SEMA4C: variants seen among roughly 807,000 people sequenced by gnomAD.
The protein encoded by SEMA4C is semaphorin-4C.
Under a neutral mutation model 89.0 loss-of-function variants are expected in SEMA4C, and 19 were observed. That is an observed-to-expected ratio of 0.21 (90% CI 0.15 to 0.31). SEMA4C has a LOEUF of 0.31. Ranked by LOEUF, SEMA4C falls within the 10% of genes least tolerant of loss-of-function variation. The pLI is 1.00. For synonymous variants in SEMA4C, 428 were observed against 472.7 expected, an observed-to-expected ratio of 0.91 and a Z score of 1.23; for missense variants, 811 against 1,107.0, an observed-to-expected ratio of 0.73 and a Z score of 3.79.
rs770830582 is a variant in SEMA4C, at chr2:96,867,831, A to G, written c.56T>C (p.Ile19Thr). Residue 19 changes from isoleucine (I) to threonine (T), a missense_variant, in exon 2 of 15, where the codon ATT (isoleucine) becomes ACT (threonine). This residue lies in a region of SEMA4C where 119 missense variants were observed against 152.7 expected (regional missense o/e 0.78). Coordinates refer to ENST00000305476, the MANE Select transcript of SEMA4C (RefSeq NM_017789.5). ...AAGGTTCCACCACACCTCAGCCCCAATGCCCAGGCCCCACAGCCTTGCTGC... is the reference window on the plus strand; with the variant it reads ...AAGGTTCCACCACACCTCAGCCCCAGTGCCCAGGCCCCACAGCCTTGCTGC... ...LLAARLWGLG[I>T]GAEVWWNLVP... 10 of 1,613,648 alleles carry G rather than the reference A, an allele frequency of 6.2e-6. No homozygotes were observed. Among genetic ancestry groups the G allele is most frequent in the Admixed American group, 1.7e-5 (1 of 59,980 alleles).
Position 96,864,755 on chromosome 2 carries a change from C to T in SEMA4C, c.912G>A (p.Gln304=), listed in dbSNP as rs779053245. ...FNQLQAMHTL[Q]DTSWHNTTFF... is the part of the protein sequence containing the mutation. Reference sequence around the variant, plus strand: ...AGGTGGTGTTGTGCCAGGAGGTGTCCTGCAGGGTGTGCATCGCCTGCAGCT... The same window carrying T: ...AGGTGGTGTTGTGCCAGGAGGTGTCTTGCAGGGTGTGCATCGCCTGCAGCT... Residue 304 remains glutamine (Q), a synonymous_variant, in exon 9 of 15, where the codon CAG becomes CAA. Coordinates refer to ENST00000305476, the MANE Select transcript of SEMA4C (RefSeq NM_017789.5). This position sits in a 1 kb window ranked among gnomAD's most constrained non-coding sequence, Gnocchi z 6.3. 6.2e-7 allele frequency: 1 copy of T among 1,613,828 alleles called. No individual in the cohort carries two copies. Among genetic ancestry groups the T allele is most frequent in the South Asian group, 1.1e-5 (1 of 91,078 alleles).
In SEMA4C at chr2:96,864,959, G is replaced by C; in HGVS notation, c.786+5C>G. 1.3e-6 allele frequency: 2 copies of C among 1,591,738 alleles called. No individual in the cohort carries two copies. The highest frequency in any genetic ancestry group is 1.7e-6 in the Non-Finnish European group (2 of 1,169,750). The stretch of plus-strand genomic sequence containing the variant: ...CCCAGGGCCCACCGCTGTGAGACTC[G>C]GTACCTTGCAGACACGGGCCACACG... On this transcript the variant is annotated splice_donor_5th_base_variant and intron_variant, in intron 8 of 14. Coordinates refer to ENST00000305476, the MANE Select transcript of SEMA4C (RefSeq NM_017789.5). The surrounding 1 kb of genome is among the most constrained non-coding windows in gnomAD (Gnocchi z 6.3).
rs747514842 is a variant in SEMA4C, at chr2:96,863,917, T to C, written c.1330+9A>G. ...TTGAGCAGCCATGCCTGCATACCCA[T>C]GCACCCACCTGTGCCAATGAACAGC... On this transcript the variant is annotated intron_variant, in intron 11 of 14. Coordinates refer to ENST00000305476, the MANE Select transcript of SEMA4C (RefSeq NM_017789.5). The C allele has an allele frequency of 5.0e-6, 8 of 1,602,986 alleles. No homozygotes were observed. The highest frequency in any genetic ancestry group is 6.8e-6 in the Non-Finnish European group (8 of 1,172,698).
chr2:96,863,348 A>C (rs2079995407), intron 12 of SEMA4C: 22 of 1,086,510 alleles, frequency 2.0e-5, no homozygotes, highest in Non-Finnish European at 2.5e-5. Flanking sequence ...GTCTGGTCAC[A>C]GGGGCATGGT....
At chr2:96,863,624 G>A (rs2080001961) in intron 12 of SEMA4C, 58 bp downstream of exon 12, 11 of 1,510,894 alleles carry the variant, frequency 7.3e-6, no homozygotes, top group African/African-American at 6.9e-5. Flanking sequence ...GCAGCCAGAT[G>A]GAGAGAGTGA....
In SEMA4C at chr2:96,865,489, C is replaced by T. The variant is rs1396586501; in HGVS notation, c.469G>A (p.Gly157Ser). Residue 157 changes from glycine to serine, a missense_variant, in exon 6 of 15, where the codon GGC becomes AGC. Around this residue, in one of 4 missense-constraint regions of SEMA4C, gnomAD observed 441 missense variants for 664.9 expected, o/e 0.66. Coordinates refer to ENST00000305476, the MANE Select transcript of SEMA4C (RefSeq NM_017789.5). ...TTAGCTGGGTCATAGGGACACTTGC[C>T]CTTCCCATCTTCAAACTCTCCATGC... The part of the protein sequence containing the change: ...LEHGEFEDGK[G>S]KCPYDPAKGH... 2 of 1,614,094 alleles carry T rather than the reference C, an allele frequency of 1.2e-6. No individual in the cohort carries two copies. The highest frequency in any genetic ancestry group is 1.7e-6 in the Non-Finnish European group (2 of 1,180,032).
chr2:96,867,635 G>A (rs1210606987), intron 2 of SEMA4C, 143 bp downstream of exon 2: 3 of 872,078 alleles, frequency 3.4e-6, no homozygotes, highest in Non-Finnish European at 5.6e-6. Flanking sequence ...GCTAATCCCA[G>A]GTCCCAACCC....
rs2080169777 is a variant in SEMA4C at position 96,869,960 on chromosome 2, G to GC, written c.-123dup. 1 of 986,608 alleles carries GC rather than the reference G, an allele frequency of 1.0e-6. No individual in the cohort carries two copies. 61.1% of individuals were successfully genotyped at this position (986,608 alleles called of 1,614,324 possible). On this transcript the variant is annotated 5_prime_UTR_variant, in exon 1 of 15. Transcript: ENST00000305476. Reference sequence around the variant, plus strand: ...CACCCCTGCCCCCGCGTCGCCGCCTGCCCGCGCTCGCCCGCCAGCCCTCCG... The same window carrying GC: ...CACCCCTGCCCCCGCGTCGCCGCCTGCCCCGCGCTCGCCCGCCAGCCCTCCG...
At position 96,865,012 on chromosome 2, in the gene SEMA4C, G is replaced by A. The variant is rs548336633; in HGVS notation, c.738C>T (p.Ser246=). ...YFFFRERAVE[S]DCYAEQVVAR... Reference sequence around the variant, plus strand: ...CCACCACCTGCTCGGCATAGCAGTCGGACTCCACTGCCCGCTCCCTGAAGA... The same window carrying A: ...CCACCACCTGCTCGGCATAGCAGTCAGACTCCACTGCCCGCTCCCTGAAGA... Residue 246 remains serine, a synonymous_variant, in exon 8 of 15, where the codon TCC becomes TCT. Coordinates refer to ENST00000305476, the MANE Select transcript of SEMA4C (RefSeq NM_017789.5). The A allele has an allele frequency of 9.6e-6, 15 of 1,560,212 alleles. No individual in the cohort carries two copies. The South Asian group carries it at 1.3e-4, about 13-fold the overall frequency.
At chr2:96,868,289 C>A in intron 1 of SEMA4C, 1 of 482,240 alleles carries the variant, frequency 2.1e-6, no homozygotes, top group Non-Finnish European at 3.0e-6. Context: ...GAAAGAACCT[C>A]AGGCAGCAGG....
chr2:96,865,160 G>A (rs1470882853), intron 7 of SEMA4C, 44 bp downstream of exon 7: 1 of 1,605,332 alleles, frequency 6.2e-7, no homozygotes, highest in South Asian at 1.1e-5. Flanking sequence ...TGGGCCCCGG[G>A]GGACCTCCCA....
chr2:96,869,079 C>T (rs959242330), intron 1 of SEMA4C: 6 of 985,410 alleles, frequency 6.1e-6, no homozygotes, highest in Middle Eastern at 5.2e-4. Context: ...CGTGGCGAGC[C>T]CGGCCTGCGG....
intron 1 of SEMA4C, chr2:96,868,659 G>C (rs1389848250): frequency 6.1e-6 from 6 of 985,172 alleles, no homozygotes; most frequent in African/African-American, 1.7e-5. Flanking sequence ...TGCCTCCTCC[G>C]AAACACCAGC....
intron 12 of SEMA4C, chr2:96,863,134 T>C (rs1254115549): frequency 1.9e-6 from 1 of 530,022 alleles, no homozygotes; most frequent in Non-Finnish European, 2.4e-6. Context: ...AGCTTCAACC[T>C]GGGAGGTGGA....
intron 1 of SEMA4C, chr2:96,869,146 C>T: frequency 2.0e-6 from 2 of 985,404 alleles, no homozygotes; most frequent in Non-Finnish European, 2.4e-6. Context: ...CGCCCCAGAC[C>T]AGCCCCCCAA....
chr2:96,860,716 G>A lies in SEMA4C; in HGVS notation c.2412C>T (p.His804=). The part of the protein sequence containing the change: ...LGGEDRGGLG[H]PLPELADELR... ...GTTCATCCGCGAGCTCAGGCAGGGGGTGCCCGAGCCCTCCCCGGTCCTCCC... is the reference window on the plus strand; with the variant it reads ...GTTCATCCGCGAGCTCAGGCAGGGGATGCCCGAGCCCTCCCCGGTCCTCCC... Residue 804 remains histidine (H), a synonymous_variant, in exon 15 of 15, where the codon CAC becomes CAT. Transcript: ENST00000305476. The A allele has an allele frequency of 6.2e-7, 1 of 1,613,764 alleles. No homozygotes were observed.
At chr2:96,863,578 C>G (rs2080001221) in intron 12 of SEMA4C, 104 bp downstream of exon 12, 1 of 1,306,660 alleles carries the variant, frequency 7.7e-7, no homozygotes, top group South Asian at 1.3e-5. Context: ...GTTCCTAACT[C>G]TGCACTGGCC....
chr2:96,867,976 AGG>A, intron 1 of SEMA4C, 53 bp from the exon 2 acceptor site: 1 of 1,594,354 alleles, frequency 6.3e-7, no homozygotes, highest in East Asian at 2.3e-5. Context: ...AGCAAACCAG[AGG>A]GGCCCGCAGC....
In SEMA4C at chr2:96,870,001, C is replaced by G. The variant is rs2080170429; in HGVS notation, c.-163G>C. On this transcript the variant is annotated 5_prime_UTR_variant, in exon 1 of 15. Transcript: ENST00000305476. The stretch of plus-strand genomic sequence containing the variant: ...CAGCCCTCCGCGGCCTCTCTGCCAC[C>G]GCCCCTCCGTCCCCGCCCGGCTCCG... 4.1e-6 allele frequency: 4 copies of G among 986,062 alleles called. No individual in the cohort carries two copies. The highest frequency in any genetic ancestry group is 4.8e-6 in the Non-Finnish European group (4 of 830,084). 61.1% of individuals were successfully genotyped at this position (986,062 alleles called of 1,614,324 possible).
Sources: allele counts gnomAD v4.1 joint callset, GRCh38; gene constraint gnomAD v4.1.1; regional missense constraint gnomAD v4.1.1; non-coding constraint Gnocchi (gnomAD v3.1); transcripts MANE v1.5; gene names NCBI Gene and HGNC (gene_info 2026-07-23, HGNC 2026-07-21).